The following KAZN variants were observed in gnomAD, a reference collection of about 807,000 sequenced individuals.
KAZN encodes kazrin, periplakin interacting protein.
Under a neutral mutation model 87.4 loss-of-function variants are expected in KAZN, and 40 were observed. The observed-to-expected ratio is 0.46, with a 90% CI of 0.36 to 0.60. KAZN has a LOEUF of 0.60. Among genes scored for constraint, KAZN ranks in the 20% least tolerant of loss-of-function variants. The pLI, the probability that KAZN is intolerant of heterozygous loss-of-function variation, is 0.00. For synonymous variants in KAZN, 466 were observed against 458.3 expected, an observed-to-expected ratio of 1.02 and a Z score of -0.22; for missense variants, 898 against 1,073.9, an observed-to-expected ratio of 0.84 and a Z score of 2.29.
intron 1 of KAZN, among the ~76,000 whole-genome samples, chr1:14,751,018 G>A (rs940287701): frequency 7.2e-5 from 11 of 152,336 alleles, no homozygotes; most frequent in Admixed American, 3.3e-4. Context: ...ACGTGGCGAC[G>A]TCATTTATAA....
At chr1:14,479,813 G>T (rs1668969230) in intron 2 of KAZN, among the ~76,000 whole-genome samples, 1 of 152,156 alleles carries the variant, frequency 6.6e-6, no homozygotes, top group Admixed American at 6.5e-5. Flanking sequence ...ATGGCTGGTT[G>T]CATCCATGTG....
chr1:14,712,355 G>A (rs2100213689), intron 1 of KAZN, among the ~76,000 whole-genome samples: 1 of 152,278 alleles, frequency 6.6e-6, no homozygotes, highest in South Asian at 2.1e-4. Context: ...GCAGGAAGCT[G>A]ATCCTCAGGT....
intron 1 of KAZN, among the ~76,000 whole-genome samples, chr1:14,770,845 C>T (rs1481275099): frequency 6.6e-6 from 1 of 152,146 alleles, no homozygotes; most frequent in Non-Finnish European, 1.5e-5. Flanking sequence ...TAAATGGAAA[C>T]AGTTCTCTTC....
intron 2 of KAZN, among the ~76,000 whole-genome samples, chr1:14,995,079 C>T (rs182603097): frequency 6.6e-6 from 1 of 152,322 alleles, no homozygotes; most frequent in African/African-American, 2.4e-5. Flanking sequence ...GGTTGGCTGG[C>T]CCCTCGGGAA....
chr1:14,398,933 G>A (rs772326570), intron 2 of KAZN, among the ~76,000 whole-genome samples: 1 of 152,032 alleles, frequency 6.6e-6, no homozygotes, highest in Non-Finnish European at 1.5e-5. Context: ...GGAAGTGTTG[G>A]GGCTGCCTCA....
At position 14,385,101 on chromosome 1, in the gene KAZN, C is replaced by T. The variant is rs560212116; in HGVS notation, c.249+204509C>T. On this transcript the variant is annotated intron_variant, in intron 2 of 16. Transcript: ENST00000636203. ...TCTTCTAGATTTTCTAGTTTATTTG[C>T]GTAGAGGTGTTTGTAGTATTCTCTG... is the stretch of plus-strand genomic sequence containing the variant. Among the ~76,000 whole-genome samples the T allele has an allele frequency of 1.3e-3, 205 of 151,976 alleles. 2 individuals are homozygous for T. Among genetic ancestry groups the T allele is most frequent in the African/African-American group, 7.0e-4 (29 of 41,448 alleles).
chr1:14,231,186 T>A (rs981431096), intron 2 of KAZN, among the ~76,000 whole-genome samples: 31 of 152,212 alleles, frequency 2.0e-4, no homozygotes, highest in African/African-American at 7.5e-4. Flanking sequence ...GGAAAAGAGA[T>A]GTTGATCCTA....
In KAZN at chr1:14,663,962, G is replaced by C. The variant is rs149842716; in HGVS notation, c.226+64739G>C. 6.7e-3 allele frequency among the ~76,000 whole-genome samples: 1,021 copies of C among 152,326 alleles called. 6 individuals carry two copies. Among genetic ancestry groups the C allele is most frequent in the Non-Finnish European group, 0.011 (730 of 68,032 alleles). ...CGAGTGGATCAGCAAAATGTGTTCTGTCCACACAGTGGAATATTATTCAGC... is the reference window on the plus strand; with the variant it reads ...CGAGTGGATCAGCAAAATGTGTTCTCTCCACACAGTGGAATATTATTCAGC... On this transcript the variant is annotated intron_variant, in intron 1 of 14. Coordinates refer to ENST00000376030, the MANE Select transcript of KAZN (RefSeq NM_201628.3).
chr1:15,015,565 T>C (rs1670004081), intron 2 of KAZN, among the ~76,000 whole-genome samples: 1 of 152,168 alleles, frequency 6.6e-6, no homozygotes, highest in African/African-American at 2.4e-5. Context: ...GGTGGCCCTC[T>C]GTGGCAGCTG....
chr1:14,606,474 A>T (rs1677368450), intron 1 of KAZN, among the ~76,000 whole-genome samples: 1 of 152,140 alleles, frequency 6.6e-6, no homozygotes, highest in African/African-American at 2.4e-5. Context: ...ATCACTAATA[A>T]AAAGGACTAT....
rs574030649 is a variant in KAZN, at chr1:13,903,222, C to A, written c.91+9466C>A. Among the ~76,000 whole-genome samples, 16 of 152,336 alleles carry A rather than the reference C, an allele frequency of 1.1e-4. No homozygotes were observed. The South Asian group carries it at 3.3e-3, about 32-fold the overall frequency. ...ATGATGTTCAGACCTTGATGAAGAA[C>A]CCACTTGTGGTTTTATGGTCTTGGA... On this transcript the variant is annotated intron_variant, in intron 1 of 16. Coordinates refer to the KAZN transcript ENST00000636203.
chr1:14,261,546 T>C (rs1356113724), intron 2 of KAZN, among the ~76,000 whole-genome samples: 2 of 152,064 alleles, frequency 1.3e-5, no homozygotes, highest in Non-Finnish European at 2.9e-5. Context: ...TTTACCTGCC[T>C]TTGTGCTCAT....
chr1:14,905,821 C>A (rs1442984541), intron 1 of KAZN, among the ~76,000 whole-genome samples: 3 of 149,976 alleles, frequency 2.0e-5, no homozygotes, highest in Admixed American at 6.7e-5. Flanking sequence ...CCAGCCTGGG[C>A]GAGACTGTGA....
intron 1 of KAZN, among the ~76,000 whole-genome samples, chr1:14,067,634 C>T (rs996671672): frequency 7.9e-6 from 1 of 126,178 alleles, no homozygotes; most frequent in Non-Finnish European, 1.7e-5. Flanking sequence ...TTCTGTCTGT[C>T]CCCCCCCATA....
At chr1:14,728,844 C>G (rs1311703697) in intron 1 of KAZN, among the ~76,000 whole-genome samples, 1 of 152,096 alleles carries the variant, frequency 6.6e-6, no homozygotes, top group African/African-American at 2.4e-5. Context: ...AGTAGTAATC[C>G]TTGCCTCATA....
chr1:14,365,866 G>A (rs1659952983), intron 2 of KAZN, among the ~76,000 whole-genome samples: 1 of 152,220 alleles, frequency 6.6e-6, no homozygotes, highest in African/African-American at 2.4e-5. Flanking sequence ...GTCATAAAGT[G>A]TAGATAGATA....
At chr1:14,013,972 C>T (rs1640444677) in intron 1 of KAZN, among the ~76,000 whole-genome samples, 3 of 152,158 alleles carry the variant, frequency 2.0e-5, no homozygotes, top group Non-Finnish European at 4.4e-5. Flanking sequence ...AACAATATTC[C>T]CAACAGGTCT....
chr1:14,733,312 A>G (rs1037384862), intron 1 of KAZN, among the ~76,000 whole-genome samples: 5 of 152,220 alleles, frequency 3.3e-5, no homozygotes, highest in Non-Finnish European at 7.3e-5. Flanking sequence ...GCTGGTGAAG[A>G]GGAAATGGCA....
intron 1 of KAZN, among the ~76,000 whole-genome samples, chr1:14,156,366 G>A (rs115959022): frequency 0.029 from 4,391 of 152,210 alleles, 210 homozygotes; most frequent in African/African-American, 0.1. Context: ...GGTCTATAGT[G>A]GAGGTTAAAT....
Sources: gnomAD v4.1 joint callset for allele counts (sites outside exome capture counted in the v4.1 genomes callset) on GRCh38, gnomAD v4.1.1 for gene constraint, MANE v1.5 for transcripts, NCBI Gene and HGNC (gene_info 2026-07-23, HGNC 2026-07-21) for gene names.